The following MPPED2 variants were observed in gnomAD, a reference collection of about 807,000 sequenced individuals.
MPPED2 encodes metallophosphoesterase domain containing 2.
MPPED2 carries 5 observed loss-of-function variants against 33.0 expected under a neutral mutation model. That is an observed-to-expected ratio of 0.15 (90% confidence interval 0.08 to 0.32). The LOEUF is 0.32. Among genes scored for constraint, MPPED2 ranks in the 10% least tolerant of loss-of-function variants. The probability of loss-of-function intolerance (pLI) is 1.00; values close to 1 mark genes in which losing one functional copy is unlikely to be tolerated. For synonymous variants in MPPED2, 136 were observed against 141.9 expected, an observed-to-expected ratio of 0.96 and a Z score of 0.29; for missense variants, 275 against 372.1, an observed-to-expected ratio of 0.74 and a Z score of 2.15.
intron 2 of MPPED2, among the ~76,000 whole-genome samples, chr11:30,574,625 A>G (rs1956842769): frequency 6.6e-6 from 1 of 152,308 alleles, no homozygotes; most frequent in East Asian, 1.9e-4. Context: ...CCTTTGGCCT[A>G]TTCCTTGATT....
chr11:30,386,561 G>C (rs1036036894), exon 7 of MPPED2: 6 of 395,960 alleles, frequency 1.5e-5, no homozygotes, highest in Non-Finnish European at 2.7e-5. Flanking sequence ...CAGTCTCAGG[G>C]ATTCCTTTAT....
intron 3 of MPPED2, among the ~76,000 whole-genome samples, chr11:30,516,603 C>T (rs1953546917): frequency 6.6e-6 from 1 of 152,112 alleles, no homozygotes; most frequent in Admixed American, 6.6e-5. Flanking sequence ...TATTAACCCC[C>T]CAGTATGGGT....
intron 2 of MPPED2, among the ~76,000 whole-genome samples, chr11:30,548,701 C>A (rs1955559981): frequency 1.3e-5 from 2 of 152,180 alleles, no homozygotes; most frequent in South Asian, 4.1e-4. Context: ...GGTCACCAAG[C>A]AAAGAACTGG....
Position 30,416,920 on chromosome 11 carries a change from T to C in MPPED2, c.652+598A>G, listed in dbSNP as rs1229450519. Among the ~76,000 whole-genome samples the C allele has an allele frequency of 1.9e-4, 29 of 152,186 alleles. 1 individual carries two copies. Among genetic ancestry groups the C allele is most frequent in the Admixed American group, 1.9e-3 (29 of 15,276 alleles). On this transcript the variant is annotated intron_variant, in intron 5 of 6. Transcript: ENST00000358117. ...TAATGTGGCTCACTAGTGGGTAGGC[T>C]TTGAAGCACACAGACAATATAAATC...
At chr11:30,465,650 A>G (rs1950677628) in intron 4 of MPPED2, among the ~76,000 whole-genome samples, 1 of 152,222 alleles carries the variant, frequency 6.6e-6, no homozygotes, top group Non-Finnish European at 1.5e-5. Context: ...CAACATATTT[A>G]GATTCCAAAT....
chr11:30,538,244 C>CA (rs1954919408), intron 2 of MPPED2, among the ~76,000 whole-genome samples: 2 of 152,136 alleles, frequency 1.3e-5, no homozygotes, highest in African/African-American at 4.8e-5. Flanking sequence ...AACATACAGA[C>CA]ACAGCCCCAT....
At chr11:30,493,315 G>A (rs532567705) in intron 4 of MPPED2, among the ~76,000 whole-genome samples, 1 of 150,826 alleles carries the variant, frequency 6.6e-6, no homozygotes, top group South Asian at 2.1e-4. Flanking sequence ...AGCTTGCAGT[G>A]AGCGGAGATC....
exon 7 of MPPED2, chr11:30,386,310 C>T (rs977481414): frequency 6.3e-6 from 1 of 157,708 alleles, no homozygotes; most frequent in Non-Finnish European, 1.4e-5. Flanking sequence ...ACCCCCCCAT[C>T]ACAGGCCTAG....
At chr11:30,555,336 G>C (rs1318240896) in intron 2 of MPPED2, among the ~76,000 whole-genome samples, 1 of 152,136 alleles carries the variant, frequency 6.6e-6, no homozygotes, top group African/African-American at 2.4e-5. Flanking sequence ...AAGAAAATGA[G>C]ACCCAGATAT....
At chr11:30,479,912 T>C (rs1030791059) in intron 4 of MPPED2, among the ~76,000 whole-genome samples, 4 of 152,072 alleles carry the variant, frequency 2.6e-5, no homozygotes, top group African/African-American at 9.7e-5. Flanking sequence ...TGTAAGTAAA[T>C]AGGGCCTCTT....
At chr11:30,568,101 A>G (rs553891425) in intron 2 of MPPED2, among the ~76,000 whole-genome samples, 1 of 152,316 alleles carries the variant, frequency 6.6e-6, no homozygotes, top group African/African-American at 2.4e-5. Context: ...AATAGCCACC[A>G]TACATGGAAC....
rs943899717 is a variant in MPPED2, at chr11:30,398,470, A to AT, written c.767-9515dup. Among the ~76,000 whole-genome samples, 7 of 152,192 alleles carry AT rather than the reference A, an allele frequency of 4.6e-5. No homozygotes were observed. In the South Asian group the frequency reaches 1.2e-3, roughly 27 times the overall value. ...TCACTAGAAGAAAGCTGATCAGATG[A>AT]TTTTTTTACTAAGCTGATCAGATGG... On this transcript the variant is annotated intron_variant, in intron 6 of 6. Transcript: ENST00000448418.
chr11:30,422,141 T>C (rs676105), intron 4 of MPPED2, among the ~76,000 whole-genome samples: 33,759 of 152,054 alleles, frequency 0.22, 4,344 homozygotes, highest in Non-Finnish European at 0.3. Context: ...TGAATGAGAG[T>C]GGACTCAATT....
In MPPED2 at chr11:30,446,311, T is replaced by C. The variant is rs1368095723; in HGVS notation, c.537-28678A>G. 3.9e-5 allele frequency among the ~76,000 whole-genome samples: 6 copies of C among 152,194 alleles called. No homozygotes were observed. In the East Asian group the frequency reaches 5.8e-4, roughly 15 times the overall value. ...TTCAGCTCAGCCTGCCTACCACTTA[T>C]TGAGCACCTAGCAAGTACCAAGCTC... is the stretch of plus-strand genomic sequence containing the variant. On this transcript the variant is annotated intron_variant, in intron 4 of 6. Coordinates refer to ENST00000358117, the MANE Select transcript of MPPED2 (RefSeq NM_001584.3).
At chr11:30,511,385 A>T (rs1410916592) in intron 3 of MPPED2, among the ~76,000 whole-genome samples, 1 of 152,206 alleles carries the variant, frequency 6.6e-6, no homozygotes, top group Non-Finnish European at 1.5e-5. Context: ...CTATCAACAT[A>T]ACTCAGATTA....
chr11:30,434,836 A>G (rs948779439), intron 4 of MPPED2, among the ~76,000 whole-genome samples: 3 of 149,062 alleles, frequency 2.0e-5, no homozygotes, highest in African/African-American at 7.3e-5. Context: ...GAACTCTGGA[A>G]GATATAAAGT....
chr11:30,432,712 A>C (rs1949136287), intron 4 of MPPED2, among the ~76,000 whole-genome samples: 3 of 152,192 alleles, frequency 2.0e-5, no homozygotes, highest in Admixed American at 2.0e-4. Context: ...TGCTTATTTG[A>C]AGAGTAAAAT....
intron 4 of MPPED2, among the ~76,000 whole-genome samples, chr11:30,493,073 A>G (rs1277348749): frequency 6.6e-6 from 1 of 152,170 alleles, no homozygotes; most frequent in Non-Finnish European, 1.5e-5. Flanking sequence ...TCCTGTACCC[A>G]CTCACCAGTC....
chr11:30,401,860 ATTTTTTTTT>A (rs61383437), intron 6 of MPPED2, among the ~76,000 whole-genome samples: 1 of 85,948 alleles, frequency 1.2e-5, no homozygotes, highest in Non-Finnish European at 3.5e-5. Flanking sequence ...AATTTTTTGT[ATTTTTTTTT>A]TTTTCTTTTA....
Sources: gnomAD v4.1 joint callset for allele counts (sites outside exome capture counted in the v4.1 genomes callset) on GRCh38, gnomAD v4.1.1 for gene constraint, MANE v1.5 for transcripts, NCBI Gene and HGNC (gene_info 2026-07-23, HGNC 2026-07-21) for gene names.